Variants in EYA2 observed in about 807,000 individuals in gnomAD.
EYA2 encodes protein phosphatase EYA2.
A neutral mutation model predicts 69.2 loss-of-function variants in EYA2; 31 were observed. That is an observed-to-expected ratio of 0.45 (90% CI 0.34 to 0.60). The LOEUF (loss-of-function observed/expected upper bound fraction) is 0.60. Ranked by LOEUF, EYA2 falls within the 20% of genes least tolerant of loss-of-function variation. EYA2 has a pLI of 0.02. For synonymous variants in EYA2, 257 were observed against 279.4 expected, an observed-to-expected ratio of 0.92 and a Z score of 0.80; for missense variants, 622 against 701.2, an observed-to-expected ratio of 0.89 and a Z score of 1.28.
chr20:47,062,899 C>T (rs1468729967), intron 5 of EYA2, among the ~76,000 whole-genome samples: 2 of 152,132 alleles, frequency 1.3e-5, no homozygotes, highest in East Asian at 1.9e-4. Context: ...TCTCTTCTCT[C>T]GGGCCTCAAG....
chr20:47,027,133 G>A (rs1362377377), intron 5 of EYA2, among the ~76,000 whole-genome samples: 1 of 152,238 alleles, frequency 6.6e-6, no homozygotes, highest in Non-Finnish European at 1.5e-5. Context: ...TCATCAGTGA[G>A]GTATGTTTCA....
chr20:46,896,882 A>G (rs1017637987), intron 1 of EYA2, among the ~76,000 whole-genome samples: 6 of 152,212 alleles, frequency 3.9e-5, no homozygotes, highest in Non-Finnish European at 8.8e-5. Flanking sequence ...CTGTCTTAAA[A>G]TAGCTCACCT....
chr20:47,157,180 C>A (rs998173563), intron 10 of EYA2, among the ~76,000 whole-genome samples: 4 of 150,964 alleles, frequency 2.6e-5, no homozygotes, highest in Non-Finnish European at 4.4e-5. Flanking sequence ...GATGGTGAAA[C>A]CTCATCTCTA....
chr20:47,073,945 G>A (rs1054312024), intron 6 of EYA2, among the ~76,000 whole-genome samples: 9 of 151,878 alleles, frequency 5.9e-5, no homozygotes, highest in African/African-American at 2.2e-4. Flanking sequence ...TCACTTCCCC[G>A]ATCCCCTGCT....
chr20:47,066,523 T>G (rs760367420), intron 5 of EYA2, among the ~76,000 whole-genome samples: 50 of 152,168 alleles, frequency 3.3e-4, no homozygotes, highest in Non-Finnish European at 6.3e-4. Context: ...CATTCTAGTC[T>G]GCAAACGTGA....
At chr20:46,931,186 ACAT>A (rs1303478391) in intron 1 of EYA2, among the ~76,000 whole-genome samples, 2 of 152,250 alleles carry the variant, frequency 1.3e-5, no homozygotes, top group African/African-American at 4.8e-5. Flanking sequence ...GAGAAGGCTG[ACAT>A]CATTGTCAGT....
At chr20:46,973,390 A>G (rs535488649) in intron 1 of EYA2, among the ~76,000 whole-genome samples, 2 of 152,360 alleles carry the variant, frequency 1.3e-5, no homozygotes, top group South Asian at 4.1e-4. Flanking sequence ...AAGCAAATCT[A>G]CTGTGCAGAC....
chr20:47,103,317 A>C (rs1215163134), intron 9 of EYA2, among the ~76,000 whole-genome samples: 1 of 151,874 alleles, frequency 6.6e-6, no homozygotes, highest in Non-Finnish European at 1.5e-5. Flanking sequence ...TTCTCTACAG[A>C]TTTGCCTCTT....
intron 5 of EYA2, among the ~76,000 whole-genome samples, chr20:47,057,510 A>ACCCCCCCCCCCCCCCCCCC (rs796462817): frequency 1.1e-5 from 1 of 94,768 alleles, no homozygotes; most frequent in African/African-American, 3.4e-5. Context: ...TTTTTATATC[A>ACCCCCCCCCCCCCCCCCCC]CCCCCCCCCC....
intron 1 of EYA2, among the ~76,000 whole-genome samples, chr20:46,962,545 G>A (rs1979538582): frequency 6.6e-6 from 1 of 152,120 alleles, no homozygotes. Flanking sequence ...AAAGAGAGGG[G>A]CATAAAGAAA....
intron 1 of EYA2, among the ~76,000 whole-genome samples, chr20:46,957,529 TCACA>T (rs74176892): frequency 0.031 from 615 of 20,006 alleles, 14 homozygotes; most frequent in East Asian, 0.12. Context: ...GAAGGAGATT[TCACA>T]CACACACACA....
At chr20:47,083,115 A>G (rs1220868080) in intron 7 of EYA2, among the ~76,000 whole-genome samples, 1 of 151,918 alleles carries the variant, frequency 6.6e-6, no homozygotes. Context: ...TGCTTCAGCC[A>G]GGGGTTTGAG....
intron 1 of EYA2, among the ~76,000 whole-genome samples, chr20:46,940,243 C>T (rs1415480760): frequency 6.6e-6 from 1 of 152,176 alleles, no homozygotes; most frequent in Non-Finnish European, 1.5e-5. Flanking sequence ...ATGTATTGAG[C>T]ACTTACTGTG....
At chr20:47,041,849 A>G (rs181577058) in intron 5 of EYA2, among the ~76,000 whole-genome samples, 67 of 151,818 alleles carry the variant, frequency 4.4e-4, no homozygotes, top group African/African-American at 1.5e-3. Context: ...TTTTTTTTTT[A>G]ATTTACAGAC....
At chr20:46,913,464 T>C (rs1984748956) in intron 1 of EYA2, among the ~76,000 whole-genome samples, 1 of 152,018 alleles carries the variant, frequency 6.6e-6, no homozygotes, top group Non-Finnish European at 1.5e-5. Context: ...CCTGGAGGAA[T>C]GGGATCTGAG....
At chr20:47,147,039 G>A (rs2033716438) in intron 10 of EYA2, among the ~76,000 whole-genome samples, 1 of 151,038 alleles carries the variant, frequency 6.6e-6, no homozygotes, top group Non-Finnish European at 1.5e-5. Context: ...TTATATCCAG[G>A]AGAGGCTCCT....
chr20:46,979,201 C>A (rs940922494), intron 1 of EYA2, among the ~76,000 whole-genome samples: 2 of 152,204 alleles, frequency 1.3e-5, no homozygotes, highest in African/African-American at 2.4e-5. Context: ...CCGCCTGGGA[C>A]CCTCCATCTG....
chr20:47,059,708 A>G (rs1412750063), intron 5 of EYA2, among the ~76,000 whole-genome samples: 1 of 152,208 alleles, frequency 6.6e-6, no homozygotes, highest in Non-Finnish European at 1.5e-5. Flanking sequence ...CATCTTAGTC[A>G]TTTGGGGCTT....
intron 10 of EYA2, among the ~76,000 whole-genome samples, chr20:47,151,538 T>C (rs1183432887): frequency 3.9e-5 from 6 of 151,912 alleles, no homozygotes; most frequent in African/African-American, 1.2e-4. Flanking sequence ...GCCCACGCCA[T>C]GCCCTCTGTA....
Sources: allele counts gnomAD v4.1 joint callset (sites outside exome capture counted in the v4.1 genomes callset), GRCh38; gene constraint gnomAD v4.1.1; transcripts MANE v1.5; gene names NCBI Gene and HGNC (gene_info 2026-07-23, HGNC 2026-07-21).